The following EFCAB6 variants were observed in gnomAD, a reference collection of about 807,000 sequenced individuals.
EFCAB6 encodes EF-hand calcium binding domain 6, also known as EF-hand calcium-binding domain-containing protein 6.
Under a neutral mutation model 169.8 loss-of-function variants are expected in EFCAB6, and 156 were observed. The observed-to-expected ratio is 0.92, with a 90% confidence interval of 0.81 to 1.05. The LOEUF is 1.05. EFCAB6 is among the 50% of genes least tolerant of loss of function. The pLI is 0.00. For synonymous variants in EFCAB6, 698 were observed against 676.4 expected, an observed-to-expected ratio of 1.03 and a Z score of -0.50; for missense variants, 1,800 against 1,829.1, an observed-to-expected ratio of 0.98 and a Z score of 0.29.
chr22:43,784,547 A>ATACACATATATG (rs1204100633), intron 2 of EFCAB6, among the ~76,000 whole-genome samples: 1 of 81,090 alleles, frequency 1.2e-5, no homozygotes, highest in South Asian at 5.3e-4. Context: ...GTGTGTGTAT[A>ATACACATATATG]TGTATATATA....
chr22:43,796,695 C>A (rs563388770), intron 2 of EFCAB6, among the ~76,000 whole-genome samples: 8 of 152,326 alleles, frequency 5.3e-5, no homozygotes, highest in African/African-American at 1.7e-4. Context: ...TCTCTCCCAG[C>A]TCCTATAAGC....
chr22:43,637,177 G>A lies in EFCAB6; in HGVS notation c.1984-1961C>T, dbSNP rs568570135. Among the ~76,000 whole-genome samples the A allele has an allele frequency of 1.8e-4, 27 of 152,310 alleles. No individual in the cohort carries two copies. In the South Asian group the frequency reaches 5.2e-3, roughly 29 times the overall value. On this transcript the variant is annotated intron_variant, in intron 17 of 31. Coordinates refer to ENST00000262726, the MANE Select transcript of EFCAB6 (RefSeq NM_022785.4). ...TCCCACCTGCCTCCCTATCTCCCCA[G>A]AAAGGCTGTCAGGAGACGGTTTCTC...
At chr22:43,807,815 A>T (rs548458335) in intron 2 of EFCAB6, among the ~76,000 whole-genome samples, 1 of 152,350 alleles carries the variant, frequency 6.6e-6, no homozygotes, top group South Asian at 2.1e-4. Context: ...ATATTTTGGG[A>T]CATATCAACT....
At chr22:43,798,675 G>A (rs138129144) in intron 2 of EFCAB6, among the ~76,000 whole-genome samples, 1 of 152,298 alleles carries the variant, frequency 6.6e-6, no homozygotes, top group African/African-American at 2.4e-5. Flanking sequence ...CTCCAGACCC[G>A]AGGCCAGTGA....
chr22:43,695,347 A>C (rs1371156084), intron 10 of EFCAB6, among the ~76,000 whole-genome samples: 1 of 152,034 alleles, frequency 6.6e-6, no homozygotes, highest in Non-Finnish European at 1.5e-5. Context: ...AGGAAAATTA[A>C]AGACAATTAA....
At chr22:43,582,948 G>A (rs1171260139) in intron 24 of EFCAB6, among the ~76,000 whole-genome samples, 1 of 152,118 alleles carries the variant, frequency 6.6e-6, no homozygotes, top group Non-Finnish European at 1.5e-5. Context: ...GATGCCCCAA[G>A]GTTTACCTCT....
chr22:43,639,890 G>T (rs778089763), intron 17 of EFCAB6, among the ~76,000 whole-genome samples: 2 of 150,930 alleles, frequency 1.3e-5, no homozygotes, highest in Admixed American at 6.6e-5. Flanking sequence ...ATCTATCCTC[G>T]GGCTCATTGA....
chr22:43,711,607 T>A lies in EFCAB6; in HGVS notation c.899A>T (p.Glu300Val), dbSNP rs768269910. The change falls in exon 10 of 32, where the codon GAA becomes GTA. Residue 300 changes from glutamate to valine, a missense_variant. By Grantham distance (121) the Glu-to-Val change is moderately radical (BLOSUM62 -2). Transcript: ENST00000262726. ...TGCACTGAGGGCCTTTTCAACCTTT[T>A]CATAAGACTTCGAAAGCTGCAATAA... ...NFCLQLSKSY[E>V]KVEKALSAGD... 1 of 1,581,264 alleles carries A rather than the reference T, an allele frequency of 6.3e-7. No individual in the cohort carries two copies. The highest frequency in any genetic ancestry group is 2.3e-5 in the East Asian group (1 of 43,656).
intron 3 of EFCAB6, among the ~76,000 whole-genome samples, chr22:43,775,843 A>G (rs2147997702): frequency 6.6e-6 from 1 of 152,346 alleles, no homozygotes; most frequent in Non-Finnish European, 1.5e-5. Context: ...TCTGGGCAAC[A>G]GCCTTAGCTG....
intron 19 of EFCAB6, among the ~76,000 whole-genome samples, chr22:43,630,870 C>T (rs578246509): frequency 1.3e-5 from 2 of 150,818 alleles, no homozygotes; most frequent in African/African-American, 5.0e-5. Context: ...ACCAATCCGT[C>T]TCCATGTATG....
intron 13 of EFCAB6, among the ~76,000 whole-genome samples, chr22:43,677,380 G>A (rs901648674): frequency 6.6e-6 from 1 of 152,184 alleles, no homozygotes; most frequent in African/African-American, 2.4e-5. Context: ...AGGCGCGGTG[G>A]CTCACGCCTG....
intron 23 of EFCAB6, among the ~76,000 whole-genome samples, chr22:43,591,543 T>C (rs117032747): frequency 1.2e-3 from 186 of 151,176 alleles, no homozygotes; most frequent in South Asian, 1.5e-3. Flanking sequence ...CGTGCTGCCA[T>C]CTCAAGTACA....
chr22:43,626,361 C>A (rs1200455403), intron 20 of EFCAB6, 86 bp downstream of exon 20: 40 of 1,286,926 alleles, frequency 3.1e-5, no homozygotes, highest in Non-Finnish European at 7.6e-6. Flanking sequence ...TCTTTGTATC[C>A]CTTTGCGGAC....
In EFCAB6 at chr22:43,534,754, G is replaced by T. The variant is rs749308269; in HGVS notation, c.4167C>A (p.Val1389=). ...AGCTTTCCTTTGCTTTTAGCAGGAG[G>T]ACACAGCTCTGAATGAAGTCACAGT... ...FAYCDFIQSC[V]LLLKAKESSL... The change falls in exon 30 of 32, where the codon GTC becomes GTA. Residue 1389 remains valine, a synonymous_variant. Coordinates refer to ENST00000262726, the MANE Select transcript of EFCAB6 (RefSeq NM_022785.4). The T allele has an allele frequency of 3.1e-6, 5 of 1,613,898 alleles. No individual in the cohort carries two copies. Among genetic ancestry groups the T allele is most frequent in the Non-Finnish European group, 3.4e-6 (4 of 1,179,954 alleles).
rs1267431744 is a variant in EFCAB6, at chr22:43,784,642, C to CATATATATGTGTATATAT, written c.-7-2318_-7-2317insATATATACACATATATAT. 1.7e-4 allele frequency among the ~76,000 whole-genome samples: 10 copies of CATATATATGTGTATATAT among 59,996 alleles called. 1 individual carries two copies. The highest frequency in any genetic ancestry group is 2.9e-4 in the Non-Finnish European group (9 of 31,322). 39.4% of individuals were successfully genotyped at this position (59,996 alleles called of 152,430 possible). On this transcript the variant is annotated intron_variant, in intron 2 of 31. Coordinates refer to ENST00000262726, the MANE Select transcript of EFCAB6 (RefSeq NM_022785.4). The stretch of plus-strand genomic sequence containing the variant: ...ATATACACATATATATGTATATGTA[C>CATATATATGTGTATATAT]ACATATATATGTGTATATATACATA...
chr22:43,732,465 CTTTTTT>C (rs5845617), intron 7 of EFCAB6, among the ~76,000 whole-genome samples: 4 of 119,238 alleles, frequency 3.4e-5, no homozygotes, highest in South Asian at 5.6e-4. Context: ...TACTGAAATA[CTTTTTT>C]TTTTTTTTTT....
In EFCAB6 at chr22:43,528,899, G is replaced by T; in HGVS notation, c.4460C>A (p.Ser1487Tyr). ...HILEYYDKTL[S>Y]SKISYNDFLR... is the part of the protein sequence containing the mutation. ...GAAGTCGTTGTAGGAGATTTTTGAA[G>T]ACAGCGTCTTATCGTAATACTCCAG... Residue 1487 changes from serine (S) to tyrosine (Y), a missense_variant, in exon 32 of 32, where the codon TCT (serine) becomes TAT (tyrosine). By Grantham distance (144) the Ser-to-Tyr change is moderately radical. Coordinates refer to ENST00000262726, the MANE Select transcript of EFCAB6 (RefSeq NM_022785.4). 6.2e-7 allele frequency: 1 copy of T among 1,611,822 alleles called. No homozygotes were observed. Among genetic ancestry groups the T allele is most frequent in the Non-Finnish European group, 8.5e-7 (1 of 1,178,158 alleles).
intron 26 of EFCAB6, among the ~76,000 whole-genome samples, chr22:43,559,751 C>A (rs542032823): frequency 6.6e-6 from 1 of 152,070 alleles, no homozygotes; most frequent in Non-Finnish European, 1.5e-5. Flanking sequence ...TCTCAGCAGA[C>A]TAACATAGGA....
At chr22:43,669,927 A>G (rs1256033809) in intron 15 of EFCAB6, among the ~76,000 whole-genome samples, 2 of 152,202 alleles carry the variant, frequency 1.3e-5, no homozygotes, top group Non-Finnish European at 2.9e-5. Context: ...CGAGTCCATC[A>G]GAGGCAACAT....
Sources: allele counts gnomAD v4.1 joint callset (sites outside exome capture counted in the v4.1 genomes callset), GRCh38; gene constraint gnomAD v4.1.1; transcripts MANE v1.5; gene names NCBI Gene and HGNC (gene_info 2026-07-23, HGNC 2026-07-21).